ASIC2: variants seen among roughly 807,000 people sequenced by gnomAD.
ASIC2 encodes acid-sensing ion channel 2.
A neutral mutation model predicts 57.3 loss-of-function variants in ASIC2; 25 were observed. That is an observed-to-expected ratio of 0.44 (90% confidence interval 0.32 to 0.61). The LOEUF is 0.61. Among genes scored for constraint, ASIC2 ranks in the 20% least tolerant of loss-of-function variants. The pLI is 0.06. For missense variants in ASIC2, 641 were observed against 738.1 expected, an observed-to-expected ratio of 0.87 and a Z score of 1.52; for synonymous variants, 319 against 307.5, an observed-to-expected ratio of 1.04 and a Z score of -0.39.
At chr17:33,429,986 A>G (rs1911352457) in intron 1 of ASIC2, among the ~76,000 whole-genome samples, 1 of 152,104 alleles carries the variant, frequency 6.6e-6, no homozygotes, top group South Asian at 2.1e-4. Flanking sequence ...CCTTCACCCA[A>G]CCAAACACCA....
intron 1 of ASIC2, among the ~76,000 whole-genome samples, chr17:33,881,424 A>G (rs1176754541): frequency 6.6e-6 from 1 of 152,230 alleles, no homozygotes; most frequent in Non-Finnish European, 1.5e-5. Flanking sequence ...CTCAGGATAC[A>G]AAATCAATGT....
chr17:33,183,235 TTA>T (rs1198256760), intron 1 of ASIC2, among the ~76,000 whole-genome samples: 2 of 152,234 alleles, frequency 1.3e-5, no homozygotes, highest in Non-Finnish European at 2.9e-5. Flanking sequence ...AAAACAGTTT[TTA>T]TTAACTTCAG....
At chr17:34,041,912 C>A (rs1218094770) in intron 1 of ASIC2, among the ~76,000 whole-genome samples, 1 of 152,164 alleles carries the variant, frequency 6.6e-6, no homozygotes, top group Non-Finnish European at 1.5e-5. Flanking sequence ...TCCCTTATGA[C>A]CAAGGAATTA....
At chr17:33,871,567 C>G (rs1914409411) in intron 1 of ASIC2, among the ~76,000 whole-genome samples, 1 of 152,030 alleles carries the variant, frequency 6.6e-6, no homozygotes, top group South Asian at 2.1e-4. Context: ...AAGCATATAC[C>G]CTTGTCTTGC....
At chr17:33,299,068 T>A (rs2142192145) in intron 1 of ASIC2, among the ~76,000 whole-genome samples, 1 of 152,330 alleles carries the variant, frequency 6.6e-6, no homozygotes, top group African/African-American at 2.4e-5. Context: ...ATGACTTTAT[T>A]CACAGAATTG....
chr17:33,911,717 G>A (rs1255662780), intron 1 of ASIC2, among the ~76,000 whole-genome samples: 2 of 152,196 alleles, frequency 1.3e-5, no homozygotes, highest in African/African-American at 4.8e-5. Context: ...TGCCCTTGGT[G>A]TGTGCAATGA....
intron 1 of ASIC2, among the ~76,000 whole-genome samples, chr17:33,415,878 T>C (rs1355383532): frequency 1.3e-5 from 2 of 152,234 alleles, no homozygotes; most frequent in African/African-American, 2.4e-5. Flanking sequence ...GAGAAGGCTG[T>C]ACTCCTCTCT....
intron 1 of ASIC2, among the ~76,000 whole-genome samples, chr17:33,896,728 G>A (rs1367102727): frequency 1.3e-5 from 2 of 152,232 alleles, no homozygotes; most frequent in Non-Finnish European, 2.9e-5. Flanking sequence ...AATCCTCTCA[G>A]AACCTGTGTG....
At chr17:33,983,055 C>T (rs1315410212) in intron 1 of ASIC2, among the ~76,000 whole-genome samples, 1 of 152,164 alleles carries the variant, frequency 6.6e-6, no homozygotes, top group Non-Finnish European at 1.5e-5. Flanking sequence ...TCAAAAGAAA[C>T]CAATTAGGAG....
chr17:34,080,400 T>C (rs1909833832), intron 1 of ASIC2, among the ~76,000 whole-genome samples: 2 of 152,178 alleles, frequency 1.3e-5, no homozygotes, highest in Admixed American at 1.3e-4. Flanking sequence ...AAAACATCCT[T>C]ACCACCATCC....
intron 1 of ASIC2, among the ~76,000 whole-genome samples, chr17:34,131,849 C>T (rs373220298): frequency 1.8e-4 from 28 of 152,294 alleles, no homozygotes; most frequent in African/African-American, 6.7e-4. Flanking sequence ...TGGATCCCAG[C>T]GTGTGAAAGC....
chr17:33,396,464 T>A (rs1910081773), intron 1 of ASIC2, among the ~76,000 whole-genome samples: 1 of 152,212 alleles, frequency 6.6e-6, no homozygotes, highest in South Asian at 2.1e-4. Flanking sequence ...TTTCCTTTAT[T>A]TTACCGATGT....
intron 1 of ASIC2, among the ~76,000 whole-genome samples, chr17:33,588,208 A>G (rs887090517): frequency 6.6e-6 from 1 of 152,256 alleles, no homozygotes; most frequent in Non-Finnish European, 1.5e-5. Flanking sequence ...GACATCACAT[A>G]TCATCTTGGA....
At chr17:33,649,341 G>A (rs1011692990) in intron 1 of ASIC2, among the ~76,000 whole-genome samples, 9 of 152,220 alleles carry the variant, frequency 5.9e-5, no homozygotes, top group African/African-American at 2.2e-4. Context: ...ATCTAAATAT[G>A]TACAGGACTG....
intron 2 of ASIC2, among the ~76,000 whole-genome samples, chr17:33,096,679 G>C (rs564789291): frequency 6.6e-6 from 1 of 152,340 alleles, no homozygotes; most frequent in East Asian, 1.9e-4. Context: ...AAAGTGCTAG[G>C]AGAAGTGATG....
intron 1 of ASIC2, among the ~76,000 whole-genome samples, chr17:33,277,247 T>C (rs965830641): frequency 6.6e-6 from 1 of 152,158 alleles, no homozygotes; most frequent in Non-Finnish European, 1.5e-5. Flanking sequence ...AGACTTCCCC[T>C]GGGAGGTGAC....
intron 1 of ASIC2, among the ~76,000 whole-genome samples, chr17:33,416,073 G>A (rs1455335662): frequency 6.6e-6 from 1 of 152,162 alleles, no homozygotes; most frequent in Non-Finnish European, 1.5e-5. Flanking sequence ...AGTGTGTTGG[G>A]GGTGGTTCTG....
intron 1 of ASIC2, among the ~76,000 whole-genome samples, chr17:33,523,168 C>CT (rs1418292925): frequency 6.6e-6 from 1 of 152,250 alleles, no homozygotes; most frequent in Non-Finnish European, 1.5e-5. Flanking sequence ...AATGGACTCA[C>CT]TGTCTTTGTC....
At chr17:33,370,017 G>A (rs752228919) in intron 1 of ASIC2, among the ~76,000 whole-genome samples, 4 of 152,126 alleles carry the variant, frequency 2.6e-5, no homozygotes, top group East Asian at 1.9e-4. Context: ...TGAGGTCCTC[G>A]GGGCATGCAG....
Sources: gnomAD v4.1 joint callset for allele counts (sites outside exome capture counted in the v4.1 genomes callset) on GRCh38, gnomAD v4.1.1 for gene constraint, MANE v1.5 for transcripts, NCBI Gene and HGNC (gene_info 2026-07-23, HGNC 2026-07-21) for gene names.